The following CAP1 variants were observed in gnomAD, a reference collection of about 807,000 sequenced individuals.
CAP1 encodes cyclase associated actin cytoskeleton regulatory protein 1, also known as adenylyl cyclase-associated protein 1.
A neutral mutation model predicts 58.2 loss-of-function variants in CAP1; 11 were observed. The observed-to-expected ratio is 0.19, with a 90% CI of 0.12 to 0.31. The LOEUF (loss-of-function observed/expected upper bound fraction) is 0.31. CAP1 is among the 10% of genes least tolerant of loss of function. CAP1 has a pLI of 1.00. For synonymous variants in CAP1, 183 were observed against 213.8 expected, an observed-to-expected ratio of 0.86 and a Z score of 1.26; for missense variants, 423 against 587.5, an observed-to-expected ratio of 0.72 and a Z score of 2.89.
At chr1:40,063,792 A>G (rs780061262) in intron 4 of CAP1, among the ~76,000 whole-genome samples, 22 of 152,330 alleles carry the variant, frequency 1.4e-4, no homozygotes, top group Non-Finnish European at 1.8e-4. Flanking sequence ...AAATGCCAAG[A>G]TTGGTTATGC....
rs776128985 is a variant in CAP1 at position 40,070,884 on chromosome 1, C to T, written c.1249C>T (p.His417Tyr). The change falls in exon 12 of 13, where the codon CAT becomes TAT. Residue 417 changes from histidine to tyrosine, a missense_variant. By Grantham distance (83) the His-to-Tyr change is moderately conservative. Coordinates refer to ENST00000372805, the MANE Select transcript of CAP1 (RefSeq NM_006367.4). ...TISINKTDGC[H>Y]AYLSKNSLDC... ...ATCCATCAACAAAACAGATGGCTGC[C>T]ATGCTTACCTGAGCAAGAATTCCCT... The T allele has an allele frequency of 2.1e-5, 34 of 1,613,296 alleles. No homozygotes were observed. In the South Asian group the frequency reaches 3.7e-4, roughly 18 times the overall value.
At chr1:40,062,595 A>T (rs545453077) in intron 4 of CAP1, among the ~76,000 whole-genome samples, 11 of 152,094 alleles carry the variant, frequency 7.2e-5, no homozygotes, top group African/African-American at 1.7e-4. Context: ...ATTAAAAATT[A>T]AAAAAATAAA....
At chr1:40,051,867 C>G (rs1030313692) in intron 1 of CAP1, among the ~76,000 whole-genome samples, 3 of 152,162 alleles carry the variant, frequency 2.0e-5, no homozygotes, top group East Asian at 1.9e-4. Context: ...CCGCGCCCAG[C>G]CTGTTTTTTT....
At chr1:40,057,192 A>G (rs1026344024) in intron 1 of CAP1, among the ~76,000 whole-genome samples, 2 of 152,226 alleles carry the variant, frequency 1.3e-5, no homozygotes, top group South Asian at 4.1e-4. Context: ...TCAACCTGAA[A>G]CATCCATGTA....
intron 1 of CAP1, among the ~76,000 whole-genome samples, chr1:40,047,878 A>G (rs1646176771): frequency 6.6e-6 from 1 of 152,174 alleles, no homozygotes; most frequent in South Asian, 2.1e-4. Context: ...AACAGGAGAC[A>G]GGTGTTGATG....
chr1:40,054,427 C>T (rs1244054957), intron 1 of CAP1, among the ~76,000 whole-genome samples: 1 of 152,040 alleles, frequency 6.6e-6, no homozygotes, highest in East Asian at 1.9e-4. Context: ...CCACCCGTCT[C>T]GGCCTCCCAA....
intron 1 of CAP1, among the ~76,000 whole-genome samples, chr1:40,049,513 GT>G (rs1646262167): frequency 6.6e-6 from 1 of 152,066 alleles, no homozygotes; most frequent in South Asian, 2.1e-4. Flanking sequence ...GCCAGGCCTG[GT>G]TTTTTGGTTT....
At chr1:40,050,180 C>G (rs985899491) in intron 1 of CAP1, among the ~76,000 whole-genome samples, 2 of 151,956 alleles carry the variant, frequency 1.3e-5, no homozygotes, top group African/African-American at 4.8e-5. Context: ...TCTAGAATCC[C>G]TCTAATCCTG....
At chr1:40,051,875 T>G (rs765627449) in intron 1 of CAP1, among the ~76,000 whole-genome samples, 15 of 152,326 alleles carry the variant, frequency 9.8e-5, no homozygotes, top group Admixed American at 5.9e-4. Flanking sequence ...AGCCTGTTTT[T>G]TTTTGTTTTG....
At position 40,060,954 on chromosome 1, in the gene CAP1, T is replaced by G. The variant is rs190567588; in HGVS notation, c.217-781T>G. ...ACAGTTCTGTAACATTTGAAAAAAC[T>G]TTAAAACATTTATCATTTGTATTTT... On this transcript the variant is annotated intron_variant, in intron 3 of 12. Transcript: ENST00000372805. Among the ~76,000 whole-genome samples, 526 of 152,304 alleles carry G rather than the reference T, an allele frequency of 3.5e-3. 2 individuals carry two copies. Among genetic ancestry groups the G allele is most frequent in the Non-Finnish European group, 4.6e-3 (313 of 68,024 alleles).
At chr1:40,042,678 C>T (rs903815122) in intron 1 of CAP1, among the ~76,000 whole-genome samples, 1 of 152,096 alleles carries the variant, frequency 6.6e-6, no homozygotes, top group African/African-American at 2.4e-5. Context: ...AAAATGATGT[C>T]GTCAGATTTA....
intron 6 of CAP1, 91 bp downstream of exon 6, chr1:40,064,650 C>A: frequency 2.1e-6 from 2 of 953,822 alleles, no homozygotes; most frequent in Non-Finnish European, 3.4e-6. Context: ...AATCACAGCT[C>A]ATTGCAGCCT....
chr1:40,067,826 C>A (rs185907681), intron 8 of CAP1, 109 bp downstream of exon 8: 6 of 737,116 alleles, frequency 8.1e-6, no homozygotes, highest in Non-Finnish European at 1.3e-5. Flanking sequence ...GGTGGAGACT[C>A]GTTTGGTGTG....
At chr1:40,050,998 G>A (rs1185845235) in intron 1 of CAP1, among the ~76,000 whole-genome samples, 1 of 152,012 alleles carries the variant, frequency 6.6e-6, no homozygotes, top group Non-Finnish European at 1.5e-5. Context: ...TCTGTACATA[G>A]CCTGCTTGGT....
At chr1:40,067,738 G>C (rs371607418) in intron 8 of CAP1, 21 bp downstream of exon 8, 5 of 1,570,056 alleles carry the variant, frequency 3.2e-6, no homozygotes, top group Admixed American at 3.7e-5. Context: ...ACTTGGACAC[G>C]AACAGTAGGT....
intron 4 of CAP1, 78 bp from the exon 5 acceptor site, chr1:40,064,149 C>A (rs1646974669): frequency 7.0e-7 from 1 of 1,421,180 alleles, no homozygotes; most frequent in Admixed American, 1.8e-5. Flanking sequence ...ATAGAGAATT[C>A]TTGCCTTCAG....
chr1:40,043,590 T>A (rs1645944444), intron 1 of CAP1, among the ~76,000 whole-genome samples: 1 of 152,156 alleles, frequency 6.6e-6, no homozygotes, highest in East Asian at 1.9e-4. Flanking sequence ...ATAAAGAAAT[T>A]TCTGGGCTGG....
At chr1:40,062,992 T>A (rs3122421) in intron 4 of CAP1, among the ~76,000 whole-genome samples, 1 of 151,598 alleles carries the variant, frequency 6.6e-6, no homozygotes, top group Non-Finnish European at 1.5e-5. Flanking sequence ...ATTTTATTTA[T>A]GTTTAAAAAA....
chr1:40,068,945 G>A (rs1276002822), intron 8 of CAP1, among the ~76,000 whole-genome samples: 3 of 151,950 alleles, frequency 2.0e-5, no homozygotes, highest in African/African-American at 7.3e-5. Context: ...CAGTTCTCCT[G>A]CCTCAGCCTC....
Sources: allele counts gnomAD v4.1 joint callset (sites outside exome capture counted in the v4.1 genomes callset), GRCh38; gene constraint gnomAD v4.1.1; transcripts MANE v1.5; gene names NCBI Gene and HGNC (gene_info 2026-07-23, HGNC 2026-07-21).